GSG1L: variants seen among roughly 807,000 people sequenced by gnomAD.
GSG1L encodes the protein germ cell-specific gene 1-like protein.
In GSG1L, 24 loss-of-function variants were observed where a neutral mutation model predicts 42.1. The observed-to-expected ratio is 0.57, with a 90% CI of 0.41 to 0.80. GSG1L has a LOEUF of 0.80. Among genes scored for constraint, GSG1L ranks in the 30% least tolerant of loss-of-function variants. The probability of loss-of-function intolerance (pLI) is 0.00; values close to 1 mark genes in which losing one functional copy is unlikely to be tolerated. For synonymous variants in GSG1L, 215 were observed against 203.5 expected (o/e 1.06, Z -0.48); for missense variants, 445 against 472.2 (o/e 0.94, Z 0.53).
intron 2 of GSG1L, among the ~76,000 whole-genome samples, chr16:27,894,768 A>G (rs1324819318): frequency 6.6e-6 from 1 of 152,208 alleles, no homozygotes; most frequent in Non-Finnish European, 1.5e-5. Context: ...TGTTCTACAG[A>G]TGAGAAATCT....
chr16:27,888,079 C>T (rs4788003), intron 2 of GSG1L: 354,436 of 983,940 alleles, frequency 0.36, 67,095 homozygotes, highest in South Asian at 0.39. Context: ...GCTGATGCTC[C>T]TATCGCTGGG....
chr16:28,025,550 G>T lies in GSG1L; in HGVS notation c.349+37526C>A, dbSNP rs569774713. On this transcript the variant is annotated intron_variant, in intron 1 of 6. Transcript: ENST00000447459. ...CTCCCTGGCTCCGCAGGCCCCCAAC[G>T]CTGCTGGGCCCAGGCTAGAAGGGCT... 3.1e-3 allele frequency among the ~76,000 whole-genome samples: 479 copies of T among 152,262 alleles called. 4 individuals are homozygous for T. The highest frequency in any genetic ancestry group is 6.0e-3 in the Non-Finnish European group (410 of 68,014).
chr16:27,910,960 C>T (rs555863449), intron 2 of GSG1L, among the ~76,000 whole-genome samples: 1 of 152,126 alleles, frequency 6.6e-6, no homozygotes, highest in Non-Finnish European at 1.5e-5. Context: ...CTGCAGTGAG[C>T]CATGATTGCA....
At chr16:27,989,737 C>CT (rs1463118111) in intron 1 of GSG1L, among the ~76,000 whole-genome samples, 1 of 101,660 alleles carries the variant, frequency 9.8e-6, no homozygotes, top group Non-Finnish European at 2.4e-5. Context: ...GAGACTCAGT[C>CT]TAAAAAAAAA....
intron 3 of GSG1L, among the ~76,000 whole-genome samples, chr16:27,858,864 G>A (rs1232904799): frequency 6.6e-6 from 1 of 152,236 alleles, no homozygotes; most frequent in Non-Finnish European, 1.5e-5. Flanking sequence ...AACGGGATAT[G>A]GAAGATAATG....
In GSG1L at chr16:27,810,358, T is replaced by C. The variant is rs1024553175; in HGVS notation, c.831-2804A>G. Among the ~76,000 whole-genome samples, 3 of 152,080 alleles carry C rather than the reference T, an allele frequency of 2.0e-5. 1 individual carries two copies. The highest frequency in any genetic ancestry group is 4.4e-5 in the Non-Finnish European group (3 of 68,002). On this transcript the variant is annotated intron_variant, in intron 5 of 6. Transcript: ENST00000447459. Reference sequence around the variant, plus strand: ...GGTGATGTGTTCCTGTGGTCCCAGCTACCTAGGAAGCTGAGTTGGGAGGAT... The same window carrying C: ...GGTGATGTGTTCCTGTGGTCCCAGCCACCTAGGAAGCTGAGTTGGGAGGAT...
At chr16:27,794,676 T>C (rs2082798253) in intron 6 of GSG1L, among the ~76,000 whole-genome samples, 1 of 152,054 alleles carries the variant, frequency 6.6e-6, no homozygotes, top group African/African-American at 2.4e-5. Context: ...AAACAAAACC[T>C]CCTGGCTTTT....
chr16:27,918,952 T>C (rs977682288), intron 2 of GSG1L, among the ~76,000 whole-genome samples: 7 of 152,120 alleles, frequency 4.6e-5, no homozygotes, highest in African/African-American at 1.2e-4. Context: ...TAATCGATCA[T>C]GGCACTCTCC....
intron 6 of GSG1L, among the ~76,000 whole-genome samples, chr16:27,803,596 A>AG (rs2082908753): frequency 6.6e-6 from 1 of 151,974 alleles, no homozygotes; most frequent in African/African-American, 2.4e-5. Context: ...CTACCAGCAG[A>AG]GGGTCCTTGA....
intron 3 of GSG1L, among the ~76,000 whole-genome samples, chr16:27,864,003 A>C (rs917964939): frequency 1.6e-4 from 24 of 152,248 alleles, no homozygotes; most frequent in African/African-American, 5.8e-4. Context: ...TGATGAGGTC[A>C]GGAATCTGTC....
At chr16:28,024,673 C>T (rs2085881155) in intron 1 of GSG1L, among the ~76,000 whole-genome samples, 1 of 152,166 alleles carries the variant, frequency 6.6e-6, no homozygotes, top group Non-Finnish European at 1.5e-5. Context: ...TGACCTTAAA[C>T]AAGTTTCTGA....
intron 6 of GSG1L, among the ~76,000 whole-genome samples, chr16:27,802,382 C>T (rs1333181813): frequency 6.6e-6 from 1 of 152,200 alleles, no homozygotes; most frequent in Non-Finnish European, 1.5e-5. Context: ...GCTCTGACCA[C>T]AGAGGGGGTC....
At chr16:28,032,135 GA>G (rs1378045615) in intron 1 of GSG1L, among the ~76,000 whole-genome samples, 1 of 152,214 alleles carries the variant, frequency 6.6e-6, no homozygotes, top group African/African-American at 2.4e-5. Context: ...CCTCTCCAGT[GA>G]GCACCTCTGA....
intron 1 of GSG1L, among the ~76,000 whole-genome samples, chr16:28,008,807 C>CT (rs977004460): frequency 1.3e-5 from 2 of 151,866 alleles, no homozygotes; most frequent in Non-Finnish European, 2.9e-5. Flanking sequence ...GTTGTCAGAA[C>CT]TTTTTTGTTT....
chr16:27,994,814 G>A (rs1000348568), intron 1 of GSG1L, among the ~76,000 whole-genome samples: 1 of 152,228 alleles, frequency 6.6e-6, no homozygotes, highest in Admixed American at 6.5e-5. Flanking sequence ...TCCAGGCTGA[G>A]AGGTCACAGG....
intron 3 of GSG1L, among the ~76,000 whole-genome samples, chr16:27,876,400 T>C (rs1273851487): frequency 1.3e-5 from 2 of 152,160 alleles, no homozygotes; most frequent in African/African-American, 4.8e-5. Flanking sequence ...GAAGGAAGCC[T>C]TCCTTGGGGG....
At chr16:28,002,131 G>T (rs1322104428) in intron 1 of GSG1L, among the ~76,000 whole-genome samples, 2 of 152,192 alleles carry the variant, frequency 1.3e-5, no homozygotes, top group Non-Finnish European at 2.9e-5. Flanking sequence ...TTTCATTCCA[G>T]CAGGAGAAAC....
chr16:27,926,507 GAAAAAAAA>G (rs55918316), intron 2 of GSG1L, among the ~76,000 whole-genome samples: 55,591 of 144,062 alleles, frequency 0.39, 10,606 homozygotes, highest in South Asian at 0.51. Context: ...TATCTGTGCT[GAAAAAAAA>G]AAAACAAAAA....
chr16:28,046,552 CA>C (rs2086161657), intron 1 of GSG1L, among the ~76,000 whole-genome samples: 1 of 151,928 alleles, frequency 6.6e-6, no homozygotes, highest in Non-Finnish European at 1.5e-5. Flanking sequence ...ACGGGGGTTT[CA>C]CCGTGTTAGC....
Sources: allele counts gnomAD v4.1 joint callset (sites outside exome capture counted in the v4.1 genomes callset), GRCh38; gene constraint gnomAD v4.1.1; transcripts MANE v1.5; gene names NCBI Gene and HGNC (gene_info 2026-07-23, HGNC 2026-07-21).